SPNS3: variants seen among roughly 807,000 people sequenced by gnomAD.
The protein encoded by SPNS3 is protein spinster homolog 3.
A neutral mutation model predicts 54.4 loss-of-function variants in SPNS3; 51 were observed. The observed-to-expected ratio is 0.94, with a 90% CI of 0.75 to 1.18. The LOEUF (loss-of-function observed/expected upper bound fraction) is 1.18. Ranked by LOEUF, SPNS3 falls within the 50% of genes most tolerant of loss-of-function variation. The probability of loss-of-function intolerance (pLI) is 0.00; values close to 1 mark genes in which losing one functional copy is unlikely to be tolerated. For synonymous variants in SPNS3, 309 were observed against 294.7 expected (o/e 1.05, Z -0.50); for missense variants, 669 against 677.4 (o/e 0.99, Z 0.14).
At chr17:4,439,512 G>C in intron 1 of SPNS3, 146 bp from the exon 2 acceptor site, 1 of 645,404 alleles carries the variant, frequency 1.5e-6, no homozygotes, top group Non-Finnish European at 2.8e-6. Flanking sequence ...AGCTGTATGG[G>C]AGAGAGGGGG....
At position 4,434,060 on chromosome 17, in the gene SPNS3, C is replaced by A. The variant is rs941118024; in HGVS notation, c.93C>A (p.Pro31=). 1.2e-6 allele frequency: 2 copies of A among 1,611,050 alleles called. No homozygotes were observed. The highest frequency in any genetic ancestry group is 2.2e-5 in the South Asian group (2 of 90,676). ...SPGPGRQCPP[P]ITPTSWSLPP... is the part of the protein sequence containing the mutation. ...GGCCAGGCAGGCAGTGTCCCCCTCC[C>A]ATCACGCCCACCTCCTGGAGCCTGC... The change falls in exon 1 of 12, where the codon CCC becomes CCA. Residue 31 remains proline, a synonymous_variant. Coordinates refer to ENST00000355530, the MANE Select transcript of SPNS3 (RefSeq NM_182538.5).
At chr17:4,442,017 T>TGTGTG (rs10692534) in intron 2 of SPNS3, among the ~76,000 whole-genome samples, 5 of 150,572 alleles carry the variant, frequency 3.3e-5, no homozygotes, top group Non-Finnish European at 5.9e-5. Context: ...TGTGTGTGTG[T>TGTGTG]TTGGCAGTAG....
chr17:4,468,972 A>T (rs1971777680), intron 8 of SPNS3, among the ~76,000 whole-genome samples: 1 of 151,688 alleles, frequency 6.6e-6, no homozygotes, highest in Non-Finnish European at 1.5e-5. Flanking sequence ...TTTTTGGTAG[A>T]GACGGGGGTT....
intron 8 of SPNS3, among the ~76,000 whole-genome samples, chr17:4,471,635 T>C (rs767618406): frequency 1.3e-5 from 2 of 151,734 alleles, no homozygotes; most frequent in Non-Finnish European, 2.9e-5. Flanking sequence ...CCAGCTAATT[T>C]TTGTATTTTT....
intron 8 of SPNS3, among the ~76,000 whole-genome samples, chr17:4,456,567 C>G (rs1971320418): frequency 6.6e-6 from 1 of 152,054 alleles, no homozygotes. Flanking sequence ...TCTCTATTGC[C>G]CAGGCTGGAG....
At chr17:4,434,314 C>A in intron 1 of SPNS3, 148 bp downstream of exon 1, 2 of 724,168 alleles carry the variant, frequency 2.8e-6, no homozygotes, top group Non-Finnish European at 2.2e-6. Flanking sequence ...TGGTTTTCAG[C>A]TGTGCTCGAA....
intron 8 of SPNS3, among the ~76,000 whole-genome samples, chr17:4,455,264 G>A (rs2144080505): frequency 6.6e-6 from 1 of 152,280 alleles, no homozygotes. Context: ...AAGAGGCAGG[G>A]CTGTCGTCCG....
intron 8 of SPNS3, among the ~76,000 whole-genome samples, chr17:4,471,003 C>G (rs1200053171): frequency 6.6e-6 from 1 of 152,194 alleles, no homozygotes; most frequent in Non-Finnish European, 1.5e-5. Flanking sequence ...CGGATCACCA[C>G]AACCTCTGCC....
intron 8 of SPNS3, among the ~76,000 whole-genome samples, chr17:4,454,361 T>C (rs1971247471): frequency 6.6e-6 from 1 of 152,246 alleles, no homozygotes; most frequent in Non-Finnish European, 1.5e-5. Context: ...AGACCTCTCC[T>C]CCTTTCCCAG....
In SPNS3 at chr17:4,487,867, C is replaced by G. The variant is rs147355619; in HGVS notation, c.1512C>G (p.Gly504=). Residue 504 remains glycine (G), a synonymous_variant, in exon 12 of 12, where the codon GGC becomes GGG. Coordinates refer to ENST00000355530, the MANE Select transcript of SPNS3 (RefSeq NM_182538.5). ...NDLERQGLLS[G]AGASTEEP ...TGGAGAGACAAGGCCTACTTTCGGG[C>G]GCTGGCGCCTCTACAGAGGAGCCCT... 6.8e-6 allele frequency: 11 copies of G among 1,613,956 alleles called. No individual in the cohort carries two copies. The highest frequency in any genetic ancestry group is 9.3e-6 in the Non-Finnish European group (11 of 1,179,920).
Position 4,446,765 on chromosome 17 carries a change from G to A in SPNS3, c.555-131G>A. On this transcript the variant is annotated intron_variant, in intron 4 of 11. Transcript: ENST00000355530. Reference sequence around the variant, plus strand: ...CCTCACGTGGCTTACTTTCCTCAGTGAAACAGGTCTGAGCCTGCAGAGAGC... The same window carrying A: ...CCTCACGTGGCTTACTTTCCTCAGTAAAACAGGTCTGAGCCTGCAGAGAGC... 4 of 800,510 alleles carry A rather than the reference G, an allele frequency of 5.0e-6. No homozygotes were observed. In the South Asian group the frequency reaches 5.9e-5, roughly 12 times the overall value. 49.6% of individuals were successfully genotyped at this position (800,510 alleles called of 1,614,324 possible).
At position 4,473,924 on chromosome 17, in the gene SPNS3, G is replaced by A. The variant is rs538421044; in HGVS notation, c.1114-4648G>A. 6.8e-4 allele frequency among the ~76,000 whole-genome samples: 103 copies of A among 152,228 alleles called. 1 individual carries two copies. Among genetic ancestry groups the A allele is most frequent in the Non-Finnish European group, 1.3e-3 (88 of 68,014 alleles). On this transcript the variant is annotated intron_variant, in intron 8 of 11. Transcript: ENST00000355530. ...TGTGAGCTCCCCAACTCTGGGAAGC[G>A]TTCCTACCACTTCCCAGACTTGGCC...
Position 4,445,137 on chromosome 17 carries a change from C to A in SPNS3, c.371C>A (p.Ala124Asp). 6.2e-7 allele frequency: 1 copy of A among 1,614,106 alleles called. No homozygotes were observed. Among genetic ancestry groups the A allele is most frequent in the East Asian group, 2.2e-5 (1 of 44,882 alleles). ...MSFGILLWSG[A>D]GLSSSFISPR... Reference sequence around the variant, plus strand: ...TTCGGTATCTTGCTGTGGTCAGGAGCTGGCCTCTCTAGCTCCTTCATCTCC... The same window carrying A: ...TTCGGTATCTTGCTGTGGTCAGGAGATGGCCTCTCTAGCTCCTTCATCTCC... The change falls in exon 3 of 12, where the codon GCT becomes GAT. Residue 124 changes from alanine to aspartate, a missense_variant. Physicochemically the swap from Ala to Asp is moderately radical, Grantham distance 126 (BLOSUM62 -2). Coordinates refer to ENST00000355530, the MANE Select transcript of SPNS3 (RefSeq NM_182538.5).
chr17:4,446,841 T>C (rs900328315), intron 4 of SPNS3, 55 bp from the exon 5 acceptor site: 26 of 1,548,926 alleles, frequency 1.7e-5, no homozygotes, highest in Non-Finnish European at 2.3e-5. Context: ...GGTGGTGGGG[T>C]CTGCCTTCCG....
intron 8 of SPNS3, among the ~76,000 whole-genome samples, chr17:4,454,444 C>G (rs963926879): frequency 6.6e-6 from 1 of 152,328 alleles, no homozygotes; most frequent in African/African-American, 2.4e-5. Context: ...ACTGAGCAGA[C>G]TGGACTTTGG....
intron 8 of SPNS3, among the ~76,000 whole-genome samples, chr17:4,458,136 AC>A (rs1382345538): frequency 1.3e-5 from 2 of 150,294 alleles, no homozygotes; most frequent in Non-Finnish European, 3.0e-5. Flanking sequence ...TCCCAGGCCT[AC>A]CCTCCTCTCC....
chr17:4,441,615 A>G (rs1970849686), intron 2 of SPNS3, among the ~76,000 whole-genome samples: 2 of 151,554 alleles, frequency 1.3e-5, no homozygotes, highest in Non-Finnish European at 2.9e-5. Context: ...TTTTTTCTTG[A>G]GACGGAGTTT....
At chr17:4,478,280 G>A (rs1972062268) in intron 8 of SPNS3, among the ~76,000 whole-genome samples, 1 of 151,946 alleles carries the variant, frequency 6.6e-6, no homozygotes, top group Non-Finnish European at 1.5e-5. Context: ...CTTAAAGTCT[G>A]TTTTCTTACC....
rs1245609948 is a variant in SPNS3, at chr17:4,488,087, C to T, written c.*193C>T. On this transcript the variant is annotated 3_prime_UTR_variant, in exon 12 of 12. Transcript: ENST00000355530. ...AGCTGTCAGCACTCTGCGTGGGAGG[C>T]CTGGGCCTGTGCCTGCATCCCGCTC... 8.3e-6 allele frequency: 5 copies of T among 602,054 alleles called. No homozygotes were observed. Among genetic ancestry groups the T allele is most frequent in the East Asian group, 2.8e-5 (1 of 35,748 alleles). 37.3% of individuals were successfully genotyped at this position (602,054 alleles called of 1,614,324 possible).
Sources: allele counts gnomAD v4.1 joint callset (sites outside exome capture counted in the v4.1 genomes callset), GRCh38; gene constraint gnomAD v4.1.1; transcripts MANE v1.5; gene names NCBI Gene and HGNC (gene_info 2026-07-23, HGNC 2026-07-21).